ZRANB3: variants seen among roughly 807,000 people sequenced by gnomAD.
The protein encoded by ZRANB3 is DNA annealing helicase and endonuclease ZRANB3.
ZRANB3 carries 125 observed loss-of-function variants against 133.8 expected under a neutral mutation model. The ratio of observed to expected loss-of-function variants is 0.93; its 90% CI spans 0.81 to 1.08. ZRANB3 has a LOEUF of 1.08. Among genes scored for constraint, ZRANB3 ranks in the 50% least tolerant of loss-of-function variants. ZRANB3 has a pLI of 0.00. For synonymous variants in ZRANB3, 387 were observed against 432.7 expected (o/e 0.89, Z 1.31); for missense variants, 1,229 against 1,275.5 (o/e 0.96, Z 0.56).
Position 135,399,024 on chromosome 2 carries a change from T to C in ZRANB3, c.162-8204A>G, listed in dbSNP as rs778424823. Reference sequence around the variant, plus strand: ...CACATCCATAGTGTGACTGTGATGATAGTGTGATTTGCAAATGAACTACGC... The same window carrying C: ...CACATCCATAGTGTGACTGTGATGACAGTGTGATTTGCAAATGAACTACGC... On this transcript the variant is annotated intron_variant, in intron 2 of 20. Transcript: ENST00000264159. Among the ~76,000 whole-genome samples the C allele has an allele frequency of 7.2e-5, 11 of 152,184 alleles. No individual in the cohort carries two copies. In the South Asian group the frequency reaches 1.0e-3, roughly 14 times the overall value.
intron 2 of ZRANB3, among the ~76,000 whole-genome samples, chr2:135,401,923 C>T (rs1034909391): frequency 5.9e-5 from 9 of 152,052 alleles, no homozygotes; most frequent in Admixed American, 1.3e-4. Flanking sequence ...GCCATAAAAC[C>T]TCAATAGCAT....
chr2:135,372,582 T>C (rs1176607921), intron 3 of ZRANB3, among the ~76,000 whole-genome samples: 1 of 151,502 alleles, frequency 6.6e-6, no homozygotes, highest in Non-Finnish European at 1.5e-5. Flanking sequence ...GATCAGGAGA[T>C]CGAGACCATC....
At chr2:135,297,311 C>G (rs1381798833) in intron 8 of ZRANB3, among the ~76,000 whole-genome samples, 1 of 152,200 alleles carries the variant, frequency 6.6e-6, no homozygotes, top group African/African-American at 2.4e-5. Context: ...TGCCACCTTG[C>G]AGTTTGATCT....
intron 8 of ZRANB3, among the ~76,000 whole-genome samples, chr2:135,286,770 TA>T (rs1360301991): frequency 6.6e-6 from 1 of 152,172 alleles, no homozygotes; most frequent in Non-Finnish European, 1.5e-5. Flanking sequence ...TTATTATTAT[TA>T]TTTTTTTCTT....
chr2:135,465,061 A>T (rs1690923409), intron 2 of ZRANB3, among the ~76,000 whole-genome samples: 1 of 152,220 alleles, frequency 6.6e-6, no homozygotes, highest in African/African-American at 2.4e-5. Context: ...ACAAAATCGA[A>T]GAAGTTGAGA....
intron 1 of ZRANB3, among the ~76,000 whole-genome samples, chr2:135,508,676 G>A (rs1693307639): frequency 6.6e-6 from 1 of 152,082 alleles, no homozygotes; most frequent in African/African-American, 2.4e-5. Context: ...ACAATGTAAT[G>A]AATAGAACAT....
chr2:135,406,580 C>T (rs1204919806), intron 2 of ZRANB3, among the ~76,000 whole-genome samples: 1 of 152,140 alleles, frequency 6.6e-6, no homozygotes, highest in Admixed American at 6.5e-5. Context: ...CAATAAAATA[C>T]TGGCAAACCG....
At chr2:135,471,912 T>C (rs1272809173) in intron 2 of ZRANB3, among the ~76,000 whole-genome samples, 1 of 152,226 alleles carries the variant, frequency 6.6e-6, no homozygotes, top group Non-Finnish European at 1.5e-5. Flanking sequence ...CATTTTCCAT[T>C]GAATTATTTA....
At chr2:135,430,720 A>G (rs1010095739) in intron 2 of ZRANB3, among the ~76,000 whole-genome samples, 1 of 152,216 alleles carries the variant, frequency 6.6e-6, no homozygotes, top group African/African-American at 2.4e-5. Context: ...GAATAGATAT[A>G]TAGATTAATC....
chr2:135,466,798 C>T (rs1691020339), intron 2 of ZRANB3, among the ~76,000 whole-genome samples: 1 of 151,804 alleles, frequency 6.6e-6, no homozygotes, highest in South Asian at 2.1e-4. Flanking sequence ...CTGCCTCAGA[C>T]TCCTGAGTAG....
At chr2:135,273,597 G>A (rs191721624) in intron 9 of ZRANB3, among the ~76,000 whole-genome samples, 6 of 151,854 alleles carry the variant, frequency 4.0e-5, no homozygotes, top group East Asian at 1.9e-4. Context: ...GTGCAATGGC[G>A]GGATCTCAGC....
At chr2:135,491,166 G>A (rs968184739) in intron 2 of ZRANB3, among the ~76,000 whole-genome samples, 6 of 151,958 alleles carry the variant, frequency 3.9e-5, no homozygotes, top group Non-Finnish European at 7.4e-5. Context: ...AGGGACCGAG[G>A]GAAGCAATGA....
intron 2 of ZRANB3, among the ~76,000 whole-genome samples, chr2:135,420,317 A>G (rs1175411131): frequency 6.6e-6 from 1 of 151,802 alleles, no homozygotes; most frequent in Non-Finnish European, 1.5e-5. Context: ...TGATAAATAA[A>G]GGCCATTTTA....
In ZRANB3 at chr2:135,357,917, G is replaced by C. The variant is rs542411492; in HGVS notation, c.181-4289C>G. On this transcript the variant is annotated intron_variant, in intron 3 of 20. Coordinates refer to ENST00000264159, the MANE Select transcript of ZRANB3 (RefSeq NM_032143.4). ...GGTTAGGTTAAGTTTTCTTAGGGAA[G>C]GCAAATTGAGTAACGGCAAATACCT... is the stretch of plus-strand genomic sequence containing the variant. Among the ~76,000 whole-genome samples, 41 of 152,310 alleles carry C rather than the reference G, an allele frequency of 2.7e-4. No homozygotes were observed. In the East Asian group the frequency reaches 5.8e-3, roughly 21 times the overall value.
Position 135,202,914 on chromosome 2 carries a change from T to A in ZRANB3, c.3059A>T (p.Asp1020Val). ...TCCCCCATACACTGGCTTGATGTGA[T>A]CCACCTGCCAGAAATGTCCTTCCCC... Reference protein sequence around the residue: ...NPGEGHFWQVDHIKPVYGGGG... With the variant: ...NPGEGHFWQVVHIKPVYGGGG... Residue 1020 changes from aspartate (D) to valine (V), a missense_variant, in exon 20 of 21, where the codon GAT (aspartate) becomes GTT (valine). Transcript: ENST00000264159. 6.2e-7 allele frequency: 1 copy of A among 1,612,736 alleles called. No individual in the cohort carries two copies. Among genetic ancestry groups the A allele is most frequent in the Non-Finnish European group, 8.5e-7 (1 of 1,179,394 alleles).
At chr2:135,272,679 G>T (rs1333658898) in intron 9 of ZRANB3, among the ~76,000 whole-genome samples, 1 of 151,908 alleles carries the variant, frequency 6.6e-6, no homozygotes, top group Non-Finnish European at 1.5e-5. Flanking sequence ...CTCCCGGCTG[G>T]AAAATAGAGC....
intron 1 of ZRANB3, among the ~76,000 whole-genome samples, chr2:135,528,836 C>T (rs1024265963): frequency 9.3e-5 from 14 of 151,098 alleles, no homozygotes; most frequent in Non-Finnish European, 2.1e-4. Flanking sequence ...ACTTTGTATA[C>T]AAACATCACT....
intron 2 of ZRANB3, among the ~76,000 whole-genome samples, chr2:135,499,982 C>A (rs1186310259): frequency 6.6e-6 from 1 of 151,906 alleles, no homozygotes; most frequent in Non-Finnish European, 1.5e-5. Context: ...AATTTGGACC[C>A]AGAGACATAA....
chr2:135,485,885 A>G (rs578065320), intron 2 of ZRANB3, among the ~76,000 whole-genome samples: 4 of 152,346 alleles, frequency 2.6e-5, no homozygotes, highest in South Asian at 2.1e-4. Context: ...TTTTCTTCTT[A>G]TATCTCCTCA....
Sources: gnomAD v4.1 joint callset for allele counts (sites outside exome capture counted in the v4.1 genomes callset) on GRCh38, gnomAD v4.1.1 for gene constraint, MANE v1.5 for transcripts, NCBI Gene and HGNC (gene_info 2026-07-23, HGNC 2026-07-21) for gene names.